The following SLC16A3 variants were observed in gnomAD, a reference collection of about 807,000 sequenced individuals.
SLC16A3 encodes monocarboxylate transporter 4.
In SLC16A3, 22 loss-of-function variants were observed where a neutral mutation model predicts 25.0. That is an observed-to-expected ratio of 0.88 (90% CI 0.63 to 1.26). The LOEUF (loss-of-function observed/expected upper bound fraction) is 1.26. Ranked by LOEUF, SLC16A3 falls within the 50% of genes most tolerant of loss-of-function variation. SLC16A3 has a pLI of 0.00. For missense variants in SLC16A3, 731 were observed against 666.6 expected (o/e 1.10, Z -1.06); for synonymous variants, 390 against 309.2 (o/e 1.26, Z -2.74).
intron 1 of SLC16A3, chr17:82,234,018 T>G (rs1025466189): frequency 6.6e-6 from 1 of 152,096 alleles, no homozygotes; most frequent in African/African-American, 2.4e-5. Flanking sequence ...TTTTTTTTAT[T>G]TTTAGTAGAG....
rs779351149 is a variant in SLC16A3, at chr17:82,237,131, C to T, written c.368-7C>T. On this transcript the variant is annotated splice_polypyrimidine_tract_variant and splice_region_variant and intron_variant, in intron 3 of 4. Transcript: ENST00000582743. Reference sequence around the variant, plus strand: ...GGGGGGCTCTCACCACATTCCCTTTCCTCCAGGGTTGGGTTTGGCACTCAA... The same window carrying T: ...GGGGGGCTCTCACCACATTCCCTTTTCTCCAGGGTTGGGTTTGGCACTCAA... The T allele has an allele frequency of 2.0e-6, 3 of 1,498,512 alleles. No individual in the cohort carries two copies. The highest frequency in any genetic ancestry group is 2.7e-6 in the Non-Finnish European group (3 of 1,122,276). The allele number at this position is 1,498,512 out of a possible 1,614,324, so 92.8% of individuals were successfully genotyped here.
Position 82,236,182 on chromosome 17 carries a change from C to T in SLC16A3, c.174C>T (p.Ser58=), listed in dbSNP as rs368718021. 31 of 1,612,954 alleles carry T rather than the reference C, an allele frequency of 1.9e-5. No individual in the cohort carries two copies. Among genetic ancestry groups the T allele is most frequent in the Admixed American group, 8.3e-5 (5 of 60,010 alleles). The change falls in exon 2 of 5, where the codon AGC becomes AGT. Residue 58 remains serine, a synonymous_variant. Coordinates refer to ENST00000582743, the MANE Select transcript of SLC16A3 (RefSeq NM_004207.4). ...TACAGGAGTTTGGGATCGGCTACAGCGACACAGCCTGGATCTCCTCCATCC... is the reference window on the plus strand; with the variant it reads ...TACAGGAGTTTGGGATCGGCTACAGTGACACAGCCTGGATCTCCTCCATCC... ...ELIQEFGIGY[S]DTAWISSILL...
chr17:82,225,915 C>T (rs746241203), upstream of SLC16A3, among the ~76,000 whole-genome samples: 1 of 152,080 alleles, frequency 6.6e-6, no homozygotes, highest in East Asian at 1.9e-4. Context: ...AAAGCCTCTC[C>T]GCATTTCCTA....
At chr17:82,227,859 G>A (rs778265262), upstream of SLC16A3, among the ~76,000 whole-genome samples, 74 of 152,322 alleles carry the variant, frequency 4.9e-4, no homozygotes, top group Non-Finnish European at 6.6e-4. Context: ...GAATGCCAGC[G>A]GGAGGGTGGG....
intron 1 of SLC16A3, among the ~76,000 whole-genome samples, chr17:82,221,765 G>A (rs1391486332): frequency 2.0e-5 from 3 of 152,146 alleles, no homozygotes; most frequent in Admixed American, 6.5e-5. Flanking sequence ...CAGGGCTGGT[G>A]TGGCAGCACG....
At position 82,237,334 on chromosome 17, in the gene SLC16A3, C is replaced by T. The variant is rs1414755478; in HGVS notation, c.564C>T (p.Leu188=). Residue 188 remains leucine, a synonymous_variant, in exon 4 of 5, where the codon CTC becomes CTT. Transcript: ENST00000582743. ...GGFLILGGLL[L]NCCVCAALMR... The stretch of plus-strand genomic sequence containing the variant: ...TCCTCATCCTGGGCGGCCTGCTGCT[C>T]AACTGCTGCGTGTGTGCCGCACTCA... 6.5e-7 allele frequency: 1 copy of T among 1,541,848 alleles called. No homozygotes were observed. The highest frequency in any genetic ancestry group is 1.2e-5 in the South Asian group (1 of 82,912).
chr17:82,234,288 G>C (rs891764043), intron 1 of SLC16A3: 40 of 133,182 alleles, frequency 3.0e-4, no homozygotes, highest in African/African-American at 1.2e-3. Context: ...CCTGAGGCGT[G>C]CGACACTCTG....
chr17:82,220,189 C>T (rs558860449), intron 1 of SLC16A3, among the ~76,000 whole-genome samples: 2 of 152,204 alleles, frequency 1.3e-5, no homozygotes, highest in Non-Finnish European at 2.9e-5. Flanking sequence ...CTGGGCTCCA[C>T]GGCCACCCCA....
At chr17:82,221,579 G>A (rs1460654638) in intron 1 of SLC16A3, among the ~76,000 whole-genome samples, 1 of 116,682 alleles carries the variant, frequency 8.6e-6, no homozygotes, top group Non-Finnish European at 1.7e-5. Flanking sequence ...AAACATAAAA[G>A]AGAATGAAAC....
At chr17:82,225,127 T>G (rs2050414020), upstream of SLC16A3, among the ~76,000 whole-genome samples, 2 of 152,190 alleles carry the variant, frequency 1.3e-5, no homozygotes, top group African/African-American at 4.8e-5. Flanking sequence ...CTGGGCGTAG[T>G]GGCAGGTGCC....
chr17:82,221,646 C>A (rs1030935130), intron 1 of SLC16A3, among the ~76,000 whole-genome samples: 1 of 152,118 alleles, frequency 6.6e-6, no homozygotes, highest in Non-Finnish European at 1.5e-5. Flanking sequence ...GAATGGCCAA[C>A]AGGCACATGA....
At chr17:82,230,902 C>T (rs2050483867) in intron 1 of SLC16A3, 1 of 152,302 alleles carries the variant, frequency 6.6e-6, no homozygotes, top group African/African-American at 2.4e-5. Context: ...GCTCCGAGAC[C>T]CGCAGTTCAC....
intron 2 of SLC16A3, 97 bp from the exon 3 acceptor site, chr17:82,236,632 T>G: frequency 1.3e-6 from 2 of 1,496,894 alleles, no homozygotes; most frequent in Non-Finnish European, 9.0e-7. Context: ...AGGGGTGGTG[T>G]GGGAAGGGGA....
intron 1 of SLC16A3, chr17:82,229,464 C>G (rs898592383): frequency 8.5e-5 from 13 of 152,368 alleles, no homozygotes; most frequent in Admixed American, 3.3e-4. Context: ...TCCGCGGTGG[C>G]GGGGGGCGCG....
intron 1 of SLC16A3, chr17:82,232,229 T>A (rs963512147): frequency 1.3e-5 from 2 of 152,254 alleles, no homozygotes; most frequent in African/African-American, 4.8e-5. Context: ...CTTCAAGGGC[T>A]GGAGTCAGTT....
exon 1 of SLC16A3, among the ~76,000 whole-genome samples, chr17:82,218,052 G>T (rs941526039): frequency 6.6e-6 from 1 of 152,216 alleles, no homozygotes; most frequent in African/African-American, 2.4e-5. Flanking sequence ...GCCTCCATGT[G>T]CCAGGTTGGG....
At position 82,239,059 on chromosome 17, in the gene SLC16A3, T is replaced by G; in HGVS notation, c.*83T>G. 1.5e-6 allele frequency: 2 copies of G among 1,366,924 alleles called. No homozygotes were observed. Among genetic ancestry groups the G allele is most frequent in the Non-Finnish European group, 2.0e-6 (2 of 1,021,714 alleles). 84.7% of individuals were successfully genotyped at this position (1,366,924 alleles called of 1,614,324 possible). On this transcript the variant is annotated 3_prime_UTR_variant, in exon 5 of 5. Coordinates refer to ENST00000582743, the MANE Select transcript of SLC16A3 (RefSeq NM_004207.4). ...TATTTATTTTACAAACTGGACTGGC[T>G]CAGGCAGGGCCACGGCTGGGCTCCA...
At chr17:82,232,918 C>CGGGGGGGGGGGGGGGG (rs150048859) in intron 1 of SLC16A3, among the ~76,000 whole-genome samples, 1 of 47,210 alleles carries the variant, frequency 2.1e-5, no homozygotes, top group African/African-American at 7.2e-5. Flanking sequence ...TGGGGGGCGG[C>CGGGGGGGGGGGGGGGG]GGGGGGGGGG....
intron 1 of SLC16A3, among the ~76,000 whole-genome samples, chr17:82,220,489 G>A (rs182456562): frequency 4.2e-4 from 64 of 152,292 alleles, no homozygotes; most frequent in East Asian, 2.3e-3. Context: ...AATAGATTCC[G>A]GCCAGGCATG....
Sources: allele counts gnomAD v4.1 joint callset (sites outside exome capture counted in the v4.1 genomes callset), GRCh38; gene constraint gnomAD v4.1.1; transcripts MANE v1.5; gene names NCBI Gene and HGNC (gene_info 2026-07-23, HGNC 2026-07-21).